Variants in FREM1 observed in about 807,000 individuals in gnomAD.
The protein encoded by FREM1 is FRAS1 related extracellular matrix 1.
A neutral mutation model predicts 210.1 loss-of-function variants in FREM1; 220 were observed. The ratio of observed to expected loss-of-function variants is 1.05; its 90% CI spans 0.94 to 1.17. FREM1 has a LOEUF of 1.17. Ranked by LOEUF, FREM1 falls within the 50% of genes most tolerant of loss-of-function variation. FREM1 has a pLI of 0.00. For missense variants in FREM1, 3,454 were observed against 2,675.5 expected, an observed-to-expected ratio of 1.29 and a Z score of -6.42; for synonymous variants, 1,189 against 980.2, an observed-to-expected ratio of 1.21 and a Z score of -3.98.
intron 27 of FREM1, among the ~76,000 whole-genome samples, chr9:14,761,687 G>A (rs537868975): frequency 4.6e-5 from 7 of 152,172 alleles, no homozygotes; most frequent in Non-Finnish European, 1.0e-4. Flanking sequence ...GTAGTGTGAT[G>A]AAATCTCACA....
At chr9:14,823,983 C>T (rs1174703591) in intron 12 of FREM1, 42 bp downstream of exon 12, 2 of 1,273,524 alleles carry the variant, frequency 1.6e-6, no homozygotes, top group Admixed American at 2.0e-5. Context: ...TCTAAGGGCA[C>T]ACTTGCATCA....
chr9:14,793,140 C>T (rs1010986486), intron 21 of FREM1, among the ~76,000 whole-genome samples: 5 of 152,142 alleles, frequency 3.3e-5, no homozygotes, highest in African/African-American at 1.2e-4. Context: ...ATTACATGTA[C>T]CAAACTTTAC....
chr9:14,765,776 A>G (rs895105724), intron 27 of FREM1, among the ~76,000 whole-genome samples: 3 of 152,216 alleles, frequency 2.0e-5, no homozygotes. Flanking sequence ...GTGAAGAATC[A>G]GAGTGCAGAA....
At chr9:14,793,234 T>C (rs1851738113) in intron 21 of FREM1, among the ~76,000 whole-genome samples, 1 of 152,178 alleles carries the variant, frequency 6.6e-6, no homozygotes, top group Non-Finnish European at 1.5e-5. Flanking sequence ...CTCCATGAAG[T>C]AAGAGGGCTA....
Position 14,836,415 on chromosome 9 carries a change from A to G in FREM1, c.1881+5032T>C, listed in dbSNP as rs1824625128. On this transcript the variant is annotated intron_variant, in intron 10 of 36. Transcript: ENST00000380880. The surrounding 1 kb of genome is among the most constrained non-coding windows in gnomAD (Gnocchi z 4.9). ...ATTGGATTTAGTGATGCACTTTTAA[A>G]TGAAACATGCTGCTTTTGGATTAAC... Among the ~76,000 whole-genome samples, 1 of 152,222 alleles carries G rather than the reference A, an allele frequency of 6.6e-6. No individual in the cohort carries two copies. Among genetic ancestry groups the G allele is most frequent in the Non-Finnish European group, 1.5e-5 (1 of 68,044 alleles).
intron 29 of FREM1, among the ~76,000 whole-genome samples, chr9:14,750,986 T>C (rs1484388793): frequency 1.3e-5 from 2 of 152,144 alleles, no homozygotes; most frequent in Admixed American, 1.3e-4. Context: ...CTTACAAACA[T>C]ATCCCAGCCA....
At chr9:14,764,294 G>A (rs1468522878) in intron 27 of FREM1, among the ~76,000 whole-genome samples, 1 of 152,072 alleles carries the variant, frequency 6.6e-6, no homozygotes, top group Non-Finnish European at 1.5e-5. Context: ...CCCAGTCTCA[G>A]GTATGTCTTT....
chr9:14,897,304 T>A (rs1837907496), intron 1 of FREM1, among the ~76,000 whole-genome samples: 1 of 152,142 alleles, frequency 6.6e-6, no homozygotes, highest in Non-Finnish European at 1.5e-5. Flanking sequence ...TAAGGCAAAT[T>A]CTCTTAACTA....
At chr9:14,800,958 G>A (rs555235890) in intron 20 of FREM1, among the ~76,000 whole-genome samples, 2 of 152,074 alleles carry the variant, frequency 1.3e-5, no homozygotes, top group African/African-American at 4.8e-5. Flanking sequence ...GTGTTTTGAT[G>A]CATGTATACA....
At chr9:14,830,661 G>A (rs944998589) in intron 10 of FREM1, among the ~76,000 whole-genome samples, 4 of 152,092 alleles carry the variant, frequency 2.6e-5, no homozygotes, top group African/African-American at 9.7e-5. Flanking sequence ...GTTTCTGTAT[G>A]GGGGAGCTTC....
At chr9:14,892,993 A>G (rs1346854171) in intron 1 of FREM1, among the ~76,000 whole-genome samples, 2 of 152,176 alleles carry the variant, frequency 1.3e-5, no homozygotes, top group Non-Finnish European at 2.9e-5. Context: ...CTAGGTGCTA[A>G]GCAGAGGGGC....
At chr9:14,897,190 G>C (rs1588649875) in intron 1 of FREM1, among the ~76,000 whole-genome samples, 1 of 152,144 alleles carries the variant, frequency 6.6e-6, no homozygotes, top group African/African-American at 2.4e-5. Context: ...CACTCACTTT[G>C]TACCTGGCAC....
At chr9:14,854,763 T>A (rs944639497) in intron 5 of FREM1, among the ~76,000 whole-genome samples, 4 of 152,026 alleles carry the variant, frequency 2.6e-5, no homozygotes, top group African/African-American at 9.7e-5. Flanking sequence ...TTTCTGTTTA[T>A]CATCAATAAC....
intron 18 of FREM1, among the ~76,000 whole-genome samples, chr9:14,805,713 T>C (rs1330595883): frequency 6.6e-6 from 1 of 152,240 alleles, no homozygotes; most frequent in East Asian, 1.9e-4. Flanking sequence ...TAACATTGAA[T>C]GCAATTAATC....
intron 1 of FREM1, 98 bp downstream of exon 1, chr9:14,909,816 C>T (rs946729882): frequency 2.0e-5 from 3 of 152,220 alleles, no homozygotes; most frequent in Non-Finnish European, 4.4e-5. Flanking sequence ...TGCATTGTTA[C>T]TTGGCATTAA....
intron 27 of FREM1, among the ~76,000 whole-genome samples, chr9:14,765,451 G>T (rs749134631): frequency 6.6e-6 from 1 of 152,190 alleles, no homozygotes; most frequent in Non-Finnish European, 1.5e-5. Context: ...TTACACTCAT[G>T]TAAAATGATT....
intron 17 of FREM1, 29 bp from the exon 18 acceptor site, chr9:14,806,875 C>A: frequency 1.4e-6 from 2 of 1,465,320 alleles, no homozygotes; most frequent in Non-Finnish European, 1.9e-6. Context: ...ACAATTACAA[C>A]TTAGCATGAA....
chr9:14,876,346 T>C (rs1416630844), intron 1 of FREM1, among the ~76,000 whole-genome samples: 1 of 151,672 alleles, frequency 6.6e-6, no homozygotes, highest in Admixed American at 6.6e-5. Flanking sequence ...TCGAGCTTCC[T>C]GGCTGCTTTG....
chr9:14,878,037 T>G (rs1834096291), intron 1 of FREM1, among the ~76,000 whole-genome samples: 2 of 152,344 alleles, frequency 1.3e-5, no homozygotes, highest in Middle Eastern at 6.8e-3. Context: ...TAGCATCCTA[T>G]TTGATCTCCC....
Sources: allele counts gnomAD v4.1 joint callset (sites outside exome capture counted in the v4.1 genomes callset), GRCh38; gene constraint gnomAD v4.1.1; non-coding constraint Gnocchi (gnomAD v3.1); transcripts MANE v1.5; gene names NCBI Gene and HGNC (gene_info 2026-07-23, HGNC 2026-07-21).